CDH20: variants seen among roughly 807,000 people sequenced by gnomAD.
The protein encoded by CDH20 is cadherin 20, also known as cadherin-20.
CDH20 carries 29 observed loss-of-function variants against 74.2 expected under a neutral mutation model. That is an observed-to-expected ratio of 0.39 (90% CI 0.29 to 0.53). The LOEUF (loss-of-function observed/expected upper bound fraction) is 0.53. Among genes scored for constraint, CDH20 ranks in the 20% least tolerant of loss-of-function variants. The pLI is 0.69. For synonymous variants in CDH20, 469 were observed against 405.4 expected, an observed-to-expected ratio of 1.16 and a Z score of -1.88; for missense variants, 988 against 1,048.3, an observed-to-expected ratio of 0.94 and a Z score of 0.79.
At chr18:61,371,502 T>C (rs1451317688) in intron 1 of CDH20, among the ~76,000 whole-genome samples, 1 of 152,062 alleles carries the variant, frequency 6.6e-6, no homozygotes, top group African/African-American at 2.4e-5. Flanking sequence ...AATCCATCTA[T>C]ATGCATGGAT....
At chr18:61,554,093 C>T (rs914226197) in intron 11 of CDH20, 97 bp from the exon 12 acceptor site, 2 of 1,442,382 alleles carry the variant, frequency 1.4e-6, no homozygotes, top group Admixed American at 2.0e-5. Context: ...CACTCGGTAG[C>T]CCTTCCCCTA....
chr18:61,379,983 T>C (rs544435374), intron 1 of CDH20, among the ~76,000 whole-genome samples: 3 of 152,340 alleles, frequency 2.0e-5, no homozygotes, highest in Non-Finnish European at 4.4e-5. Flanking sequence ...TGTCAGCTTG[T>C]AGTTGATACA....
At chr18:61,432,048 C>T (rs565408706) in intron 1 of CDH20, among the ~76,000 whole-genome samples, 1 of 152,010 alleles carries the variant, frequency 6.6e-6, no homozygotes, top group East Asian at 1.9e-4. Context: ...AGTTTGAGAC[C>T]AGCCTGGCCA....
chr18:61,544,076 C>A (rs1345898404), intron 9 of CDH20, among the ~76,000 whole-genome samples: 3 of 152,210 alleles, frequency 2.0e-5, no homozygotes, highest in African/African-American at 7.2e-5. Context: ...TACTCAAGCC[C>A]AACCCTAAAG....
intron 1 of CDH20, among the ~76,000 whole-genome samples, chr18:61,352,733 C>G (rs1338126175): frequency 1.3e-5 from 2 of 152,194 alleles, no homozygotes; most frequent in Non-Finnish European, 2.9e-5. Flanking sequence ...TGACTCCTCC[C>G]TTTGGCTGTT....
Position 61,528,206 on chromosome 18 carries a change from C to T in CDH20, c.1257C>T (p.Thr419=). ...TTTCTGCCAAGGACCCAGATGTGAC[C>T]AACAACTCAATCAGGTTTTTCCACA... ...QIISAKDPDV[T]NNSIRYSIDR... The change falls in exon 7 of 12, where the codon ACC becomes ACT. Residue 419 remains threonine, a synonymous_variant. Coordinates refer to ENST00000262717, the MANE Select transcript of CDH20 (RefSeq NM_031891.4). 6.2e-7 allele frequency: 1 copy of T among 1,613,972 alleles called. No individual in the cohort carries two copies. The highest frequency in any genetic ancestry group is 8.5e-7 in the Non-Finnish European group (1 of 1,179,906).
chr18:61,449,411 G>T (rs1199820734), intron 1 of CDH20, among the ~76,000 whole-genome samples: 1 of 152,000 alleles, frequency 6.6e-6, no homozygotes, highest in Non-Finnish European at 1.5e-5. Flanking sequence ...GCCTTACCTT[G>T]CTGTCATGTG....
intron 1 of CDH20, among the ~76,000 whole-genome samples, chr18:61,403,433 T>C (rs1415978823): frequency 6.6e-6 from 1 of 152,226 alleles, no homozygotes; most frequent in African/African-American, 2.4e-5. Context: ...ACCATGTTTC[T>C]TTGGTAACAA....
At chr18:61,340,266 G>GTAGTCT (rs1909904761) in intron 1 of CDH20, among the ~76,000 whole-genome samples, 2 of 136,330 alleles carry the variant, frequency 1.5e-5, no homozygotes, top group South Asian at 4.6e-4. Flanking sequence ...AATGAACAAG[G>GTAGTCT]TAGTCTTAGC....
intron 9 of CDH20, among the ~76,000 whole-genome samples, chr18:61,540,446 G>T (rs918481460): frequency 6.6e-6 from 1 of 152,098 alleles, no homozygotes; most frequent in Admixed American, 6.5e-5. Context: ...CACGTGGCTG[G>T]GGAGGCCTCA....
At chr18:61,376,592 GAC>G (rs1374223285) in intron 1 of CDH20, among the ~76,000 whole-genome samples, 1 of 152,022 alleles carries the variant, frequency 6.6e-6, no homozygotes, top group East Asian at 1.9e-4. Flanking sequence ...GTATATGTGA[GAC>G]ACACAAAGAG....
chr18:61,444,734 A>C (rs1466461331), intron 1 of CDH20, among the ~76,000 whole-genome samples: 1 of 152,170 alleles, frequency 6.6e-6, no homozygotes, highest in African/African-American at 2.4e-5. Context: ...CAGAGCTTTA[A>C]ACCTTCCTCT....
chr18:61,541,188 G>A (rs1913021828), intron 9 of CDH20, among the ~76,000 whole-genome samples: 1 of 152,028 alleles, frequency 6.6e-6, no homozygotes, highest in Admixed American at 6.5e-5. Context: ...ATGATCGAGA[G>A]GGAAGATGCA....
At chr18:61,433,280 A>C (rs1272170439) in intron 1 of CDH20, among the ~76,000 whole-genome samples, 1 of 152,182 alleles carries the variant, frequency 6.6e-6, no homozygotes, top group East Asian at 1.9e-4. Flanking sequence ...TGTTTAGTCA[A>C]ACATCTCAGT....
Position 61,335,318 on chromosome 18 carries a change from T to G in CDH20, c.-153+1491T>G, listed in dbSNP as rs545006022. On this transcript the variant is annotated intron_variant, in intron 1 of 11. Coordinates refer to ENST00000262717, the MANE Select transcript of CDH20 (RefSeq NM_031891.4). Reference sequence around the variant, plus strand: ...AGGAATCCGTAAGGGCACCTGTGGTTGCCAACTCTTGGCTTGACCCTGTTC... The same window carrying G: ...AGGAATCCGTAAGGGCACCTGTGGTGGCCAACTCTTGGCTTGACCCTGTTC... Among the ~76,000 whole-genome samples, 19 of 152,336 alleles carry G rather than the reference T, an allele frequency of 1.2e-4. 1 individual carries two copies. Among genetic ancestry groups the G allele is most frequent in the Non-Finnish European group, 2.2e-4 (15 of 68,030 alleles).
chr18:61,416,726 G>C (rs1274198849), intron 1 of CDH20, among the ~76,000 whole-genome samples: 2 of 152,212 alleles, frequency 1.3e-5, no homozygotes, highest in Non-Finnish European at 2.9e-5. Context: ...ACCACACCTA[G>C]GTGCAAGGAA....
At chr18:61,418,356 C>A (rs1054400247) in intron 1 of CDH20, among the ~76,000 whole-genome samples, 1 of 151,938 alleles carries the variant, frequency 6.6e-6, no homozygotes, top group Non-Finnish European at 1.5e-5. Flanking sequence ...AGATCGAGAC[C>A]ATACTGGCTA....
chr18:61,381,996 T>C (rs1911447945), intron 1 of CDH20, among the ~76,000 whole-genome samples: 2 of 152,158 alleles, frequency 1.3e-5, no homozygotes, highest in Non-Finnish European at 1.5e-5. Flanking sequence ...CAACTTCTGC[T>C]ACTTCCATAT....
At chr18:61,503,231 TA>T (rs2144323039) in intron 5 of CDH20, 111 bp downstream of exon 5, 1 of 748,706 alleles carries the variant, frequency 1.3e-6, no homozygotes, top group Admixed American at 2.8e-5. Context: ...CAATTATCCA[TA>T]GATTCCTTTC....
Sources: allele counts gnomAD v4.1 joint callset (sites outside exome capture counted in the v4.1 genomes callset), GRCh38; gene constraint gnomAD v4.1.1; transcripts MANE v1.5; gene names NCBI Gene and HGNC (gene_info 2026-07-23, HGNC 2026-07-21).